Variants in ANGEL1 observed in about 807,000 individuals in gnomAD.
ANGEL1 encodes the protein RNA 2',3'-cyclic phosphatase ANGEL1.
In ANGEL1, 62 loss-of-function variants were observed where a neutral mutation model predicts 76.4. The ratio of observed to expected loss-of-function variants is 0.81; its 90% CI spans 0.66 to 1.00. The LOEUF (loss-of-function observed/expected upper bound fraction) is 1.00, where lower values mean the gene tolerates loss of function less well. Among genes scored for constraint, ANGEL1 ranks in the 50% least tolerant of loss-of-function variants. The probability of loss-of-function intolerance (pLI) is 0.00; values close to 1 mark genes in which losing one functional copy is unlikely to be tolerated. For synonymous variants in ANGEL1, 340 were observed against 331.7 expected, an observed-to-expected ratio of 1.03 and a Z score of -0.27; for missense variants, 737 against 836.7, an observed-to-expected ratio of 0.88 and a Z score of 1.47.
At chr14:76,794,612 A>C (rs1332861517) in intron 7 of ANGEL1, among the ~76,000 whole-genome samples, 1 of 151,326 alleles carries the variant, frequency 6.6e-6, no homozygotes, top group African/African-American at 2.4e-5. Flanking sequence ...CAGAGGTTGC[A>C]GTGAGCCGAG....
In ANGEL1 at chr14:76,807,370, C is replaced by T. The variant is rs149580251; in HGVS notation, c.946+63G>A. 2.0e-4 allele frequency: 297 copies of T among 1,508,544 alleles called. No individual in the cohort carries two copies. The East Asian group carries it at 6.5e-3, about 33-fold the overall frequency. The allele number at this position is 1,508,544 out of a possible 1,614,324, so 93.4% of individuals were successfully genotyped here. A position where few individuals can be genotyped will look rare whatever the true frequency, so the allele number is the denominator to read the frequency against. ...AGACAAAAGGAAAGGATGGGGTCTT[C>T]AGGAGAGAGTAGACAAGTCTGTGGA... On this transcript the variant is annotated intron_variant, in intron 4 of 9. Transcript: ENST00000251089.
At chr14:76,803,651 T>C in intron 6 of ANGEL1, 135 bp downstream of exon 6, 1 of 1,410,444 alleles carries the variant, frequency 7.1e-7, no homozygotes, top group Non-Finnish European at 9.6e-7. Context: ...GGACAGCCAT[T>C]GGGAGGATAG....
Position 76,809,372 on chromosome 14 carries a change from C to T in ANGEL1, c.336G>A (p.Arg112=). ...CTGCAGCCCGAAGGTCACTCAGCTG[C>T]CTGCTGGACCACCTGTCCTCTGAAG... is the stretch of plus-strand genomic sequence containing the variant. ...NAASEDRWSS[R]QLSDLRAAEN... Residue 112 remains arginine (R), a synonymous_variant, in exon 2 of 10, where the codon AGG becomes AGA. Transcript: ENST00000251089. 1 of 1,614,256 alleles carries T rather than the reference C, an allele frequency of 6.2e-7. No homozygotes were observed.
rs183741992 is a variant in ANGEL1 at position 76,798,972 on chromosome 14, G to A, written c.1618+4399C>T. 5.9e-5 allele frequency among the ~76,000 whole-genome samples: 9 copies of A among 151,564 alleles called. No individual in the cohort carries two copies. The East Asian group carries it at 1.7e-3, about 29-fold the overall frequency. ...AAAAAAAAAAAAAAAAAAACAAAGG[G>A]AGTTGGAAATAGTAAGAATCACAAT... On this transcript the variant is annotated intron_variant, in intron 7 of 9. Transcript: ENST00000251089.
At chr14:76,802,692 A>G (rs1024842061) in intron 7 of ANGEL1, among the ~76,000 whole-genome samples, 2 of 151,672 alleles carry the variant, frequency 1.3e-5, no homozygotes, top group Admixed American at 6.6e-5. Flanking sequence ...AAAAAAAAAA[A>G]GGGATTTGGG....
At position 76,809,199 on chromosome 14, in the gene ANGEL1, G is replaced by C. The variant is rs1352036976; in HGVS notation, c.509C>G (p.Ala170Gly). The change falls in exon 2 of 10, where the codon GCC becomes GGC. Residue 170 changes from alanine to glycine, a missense_variant. Around this residue, in one of 2 missense-constraint regions of ANGEL1, gnomAD observed 441 missense variants for 449.5 expected, o/e 0.98. Transcript: ENST00000251089. ...DCAALPVGAL[A>G]TEQWEEDPAV... ...TGGGTCCTCTTCCCACTGCTCTGTG[G>C]CCAGGGCACCCACTGGGAGGGCAGC... 1.2e-6 allele frequency: 2 copies of C among 1,613,622 alleles called. No homozygotes were observed.
Position 76,812,845 on chromosome 14 carries a change from C to G in ANGEL1, c.-18G>C. ...GCGATCATGGCCGGCCGCCCGCGCCCGCCTCCGCTCCTCACTGCAGCCAGC... is the reference window on the plus strand; with the variant it reads ...GCGATCATGGCCGGCCGCCCGCGCCGGCCTCCGCTCCTCACTGCAGCCAGC... On this transcript the variant is annotated 5_prime_UTR_variant, in exon 1 of 10. Transcript: ENST00000251089. 2 of 1,503,930 alleles carry G rather than the reference C, an allele frequency of 1.3e-6. No homozygotes were observed. The highest frequency in any genetic ancestry group is 1.4e-5 in the African/African-American group (1 of 69,670). 93.2% of individuals were successfully genotyped at this position (1,503,930 alleles called of 1,614,324 possible).
intron 7 of ANGEL1, among the ~76,000 whole-genome samples, chr14:76,797,608 A>G (rs2140216328): frequency 6.6e-6 from 1 of 152,286 alleles, no homozygotes; most frequent in Non-Finnish European, 1.5e-5. Context: ...TCGAAAAAAA[A>G]AGAAAACTGA....
chr14:76,801,051 TTC>T (rs1346747250), intron 7 of ANGEL1, among the ~76,000 whole-genome samples: 2 of 151,872 alleles, frequency 1.3e-5, no homozygotes, highest in Non-Finnish European at 2.9e-5. Context: ...GCCCAAAAGA[TTC>T]TTTCATCTTT....
chr14:76,798,390 G>A (rs1024856649), intron 7 of ANGEL1, among the ~76,000 whole-genome samples: 3 of 152,002 alleles, frequency 2.0e-5, no homozygotes, highest in African/African-American at 4.8e-5. Flanking sequence ...GCCTTCCAAA[G>A]TACTGGGATT....
intron 7 of ANGEL1, among the ~76,000 whole-genome samples, chr14:76,793,919 C>T (rs1055615175): frequency 3.9e-5 from 6 of 152,080 alleles, no homozygotes; most frequent in Non-Finnish European, 8.8e-5. Flanking sequence ...GTCGCTCTCT[C>T]CCTCAAAGTA....
chr14:76,794,530 G>GCAC (rs920947130), intron 7 of ANGEL1, among the ~76,000 whole-genome samples: 1 of 151,944 alleles, frequency 6.6e-6, no homozygotes, highest in African/African-American at 2.4e-5. Context: ...AATCAGCCAG[G>GCAC]CGTGGTGGTG....
At chr14:76,807,596 TG>T in intron 3 of ANGEL1, 94 bp from the exon 4 acceptor site, 1 of 1,258,772 alleles carries the variant, frequency 7.9e-7, no homozygotes, top group African/African-American at 1.5e-5. Flanking sequence ...GGGAAGCTGC[TG>T]GGTCACACTG....
Position 76,789,112 on chromosome 14 carries a change from G to T in ANGEL1, c.*116C>A. 2 of 1,328,906 alleles carry T rather than the reference G, an allele frequency of 1.5e-6. No individual in the cohort carries two copies. Among genetic ancestry groups the T allele is most frequent in the Non-Finnish European group, 2.1e-6 (2 of 963,726 alleles). The allele number at this position is 1,328,906 out of a possible 1,614,324, so 82.3% of individuals were successfully genotyped here. On this transcript the variant is annotated 3_prime_UTR_variant, in exon 10 of 10. Transcript: ENST00000251089. ...GTGGGAAAAAGGGAACGAGGAGGGGGAAGGGAGGGGATGTAAGTTTCTTGG... is the reference window on the plus strand; with the variant it reads ...GTGGGAAAAAGGGAACGAGGAGGGGTAAGGGAGGGGATGTAAGTTTCTTGG...
Position 76,812,813 on chromosome 14 carries a change from G to A in ANGEL1, c.15C>T (p.Cys5=), listed in dbSNP as rs1895132412. The A allele has an allele frequency of 2.6e-6, 4 of 1,518,142 alleles. No homozygotes were observed. The South Asian group carries it at 3.7e-5, about 14-fold the overall frequency. The allele number at this position is 1,518,142 out of a possible 1,614,324, so 94.0% of individuals were successfully genotyped here. ...TGGCCGGCAGCAGCAGGTAACACAAGCACGACGCGATCATGGCCGGCCGCC... is the reference window on the plus strand; with the variant it reads ...TGGCCGGCAGCAGCAGGTAACACAAACACGACGCGATCATGGCCGGCCGCC... MIAS[C]LCYLLLPATR... is the part of the protein sequence containing the mutation. The change falls in exon 1 of 10, where the codon TGC becomes TGT. Residue 5 remains cysteine (C), a synonymous_variant. Transcript: ENST00000251089.
At chr14:76,808,269 C>G in intron 2 of ANGEL1, 121 bp from the exon 3 acceptor site, 2 of 781,174 alleles carry the variant, frequency 2.6e-6, no homozygotes, top group Non-Finnish European at 4.1e-6. Context: ...CCCTGTCACC[C>G]ATCCCTCTCT....
rs887559665 is a variant in ANGEL1, at chr14:76,812,181, TG to T, written c.64+582del. 3.2e-6 allele frequency: 3 copies of T among 946,078 alleles called. No homozygotes were observed. The African/African-American group carries it at 5.3e-5, about 17-fold the overall frequency. The allele number at this position is 946,078 out of a possible 1,614,324, so 58.6% of individuals were successfully genotyped here. A position where few individuals can be genotyped will look rare whatever the true frequency, so the allele number is the denominator to read the frequency against. On this transcript the variant is annotated intron_variant, in intron 1 of 9. Coordinates refer to ENST00000251089, the MANE Select transcript of ANGEL1 (RefSeq NM_015305.4). ...ACATCTCCCTCTAAACCGCCGGGAG[TG>T]GGGGCAGGAATGCTCCAAAGCTGAG...
chr14:76,808,281 T>C (rs2140229917), intron 2 of ANGEL1, 133 bp from the exon 3 acceptor site: 1 of 727,544 alleles, frequency 1.4e-6, no homozygotes, highest in East Asian at 2.7e-5. Flanking sequence ...TCCCTCTCTG[T>C]GGGGAATTGA....
chr14:76,812,595 C>A (rs963091687), intron 1 of ANGEL1, 169 bp downstream of exon 1: 2 of 1,296,106 alleles, frequency 1.5e-6, no homozygotes, highest in Non-Finnish European at 2.0e-6. Flanking sequence ...CTCGTGGGGT[C>A]AGGAGGGGCC....
Sources: allele counts gnomAD v4.1 joint callset (sites outside exome capture counted in the v4.1 genomes callset), GRCh38; gene constraint gnomAD v4.1.1; regional missense constraint gnomAD v4.1.1; transcripts MANE v1.5; gene names NCBI Gene and HGNC (gene_info 2026-07-23, HGNC 2026-07-21).